Variants in IFRD1 observed in about 807,000 individuals in gnomAD.
IFRD1 encodes interferon-related developmental regulator 1.
Under a neutral mutation model 52.9 loss-of-function variants are expected in IFRD1, and 35 were observed. The observed-to-expected ratio is 0.66, with a 90% CI of 0.51 to 0.88. The LOEUF is 0.88. Ranked by LOEUF, IFRD1 falls within the 40% of genes least tolerant of loss-of-function variation. IFRD1 has a pLI of 0.00. For synonymous variants in IFRD1, 184 were observed against 188.4 expected (o/e 0.98, Z 0.19); for missense variants, 517 against 550.8 (o/e 0.94, Z 0.61).
intron 11 of IFRD1, 41 bp from the exon 12 acceptor site, chr7:112,475,387 CTT>C: frequency 9.1e-7 from 1 of 1,095,314 alleles, no homozygotes; most frequent in Non-Finnish European, 1.4e-6. Context: ...GTAAGAATAT[CTT>C]AAGTCTTACT....
In IFRD1 at chr7:112,450,750, CAG is replaced by C; in HGVS notation, c.63_64del (p.Gly22SerfsTer20). The C allele has an allele frequency of 6.2e-7, 1 of 1,612,288 alleles. No individual in the cohort carries two copies. On this transcript the variant is annotated frameshift_variant, in exon 1 of 12. Coordinates refer to ENST00000403825, the MANE Select transcript of IFRD1 (RefSeq NM_001550.4). LOFTEE classifies it high-confidence loss of function. ...GGTAGCAGTGCTGGCGGCGGCGGGT[CAG>C]GAGCAGCCGCAGCGACGGCGGCGAC...
intron 1 of IFRD1, among the ~76,000 whole-genome samples, chr7:112,435,119 G>A (rs372343448): frequency 6.6e-6 from 1 of 152,270 alleles, no homozygotes; most frequent in African/African-American, 2.4e-5. Flanking sequence ...TGGATTAATG[G>A]TGAACAGAGT....
At chr7:112,443,031 T>C (rs1794931330) in intron 1 of IFRD1, among the ~76,000 whole-genome samples, 1 of 152,176 alleles carries the variant, frequency 6.6e-6, no homozygotes, top group Non-Finnish European at 1.5e-5. Flanking sequence ...CCACATGAAA[T>C]AGGTTCTATC....
At chr7:112,448,854 T>C (rs984780822), upstream of IFRD1, among the ~76,000 whole-genome samples, 1 of 151,958 alleles carries the variant, frequency 6.6e-6, no homozygotes, top group Non-Finnish European at 1.5e-5. Context: ...AAGGTGAAGA[T>C]GGGAGGAAAG....
At chr7:112,434,850 T>C (rs907496242) in intron 1 of IFRD1, among the ~76,000 whole-genome samples, 2 of 152,190 alleles carry the variant, frequency 1.3e-5, no homozygotes, top group Admixed American at 1.3e-4. Flanking sequence ...CATACAAATA[T>C]TAATATAAAC....
chr7:112,462,440 C>T, intron 8 of IFRD1, 62 bp downstream of exon 8: 1 of 1,128,230 alleles, frequency 8.9e-7, no homozygotes, highest in African/African-American at 1.5e-5. Context: ...CCATCATTAC[C>T]TTGCAATTGA....
At chr7:112,441,063 A>C (rs1794872505) in intron 1 of IFRD1, among the ~76,000 whole-genome samples, 1 of 152,084 alleles carries the variant, frequency 6.6e-6, no homozygotes, top group Admixed American at 6.6e-5. Flanking sequence ...TCATGAGGTC[A>C]AGAGATTTGA....
chr7:112,469,893 A>C (rs1486654188), intron 9 of IFRD1, among the ~76,000 whole-genome samples: 1 of 151,174 alleles, frequency 6.6e-6, no homozygotes, highest in Non-Finnish European at 1.5e-5. Flanking sequence ...CCTCTGCTTC[A>C]ATGCACCTGC....
chr7:112,448,654 A>G (rs1310729093), upstream of IFRD1, among the ~76,000 whole-genome samples: 2 of 152,232 alleles, frequency 1.3e-5, no homozygotes, highest in Non-Finnish European at 2.9e-5. Context: ...GATTAAACAA[A>G]GTAAAAGCAA....
chr7:112,459,092 A>T (rs1389107438), intron 5 of IFRD1, 74 bp downstream of exon 5: 11 of 1,255,196 alleles, frequency 8.8e-6, no homozygotes, highest in Non-Finnish European at 1.3e-5. Context: ...ATAGTACTGT[A>T]CCAGCTACTC....
upstream of IFRD1, among the ~76,000 whole-genome samples, chr7:112,449,787 C>G (rs372525795): frequency 7.4e-6 from 1 of 135,052 alleles, no homozygotes; most frequent in African/African-American, 2.9e-5. Context: ...GAGATATACA[C>G]GAACTCCACA....
intron 8 of IFRD1, chr7:112,467,399 A>T (rs1320364435): frequency 6.5e-6 from 1 of 153,416 alleles, no homozygotes; most frequent in Non-Finnish European, 1.5e-5. Context: ...AACTGTGACA[A>T]GGAAGCCCAT....
At chr7:112,452,888 GTGT>G (rs1243612529) in intron 1 of IFRD1, among the ~76,000 whole-genome samples, 1 of 152,240 alleles carries the variant, frequency 6.6e-6, no homozygotes. Context: ...ATCTTTGGAA[GTGT>G]GTGCTAGAAC....
rs777795975 is a variant in IFRD1, at chr7:112,458,863, A to G, written c.412A>G (p.Lys138Glu). The change falls in exon 5 of 12, where the codon AAG becomes GAG. Residue 138 changes from lysine (K) to glutamate (E), a missense_variant and splice_region_variant. By Grantham distance (56) the Lys-to-Glu change is moderately conservative. Transcript: ENST00000403825. ...DSIERCLKKG[K>E]SDEQRAAAAL... ...TTGCATCTTGGCTGCTTTTATAGGT[A>G]AGAGTGATGAGCAACGTGCAGCTGC... The G allele has an allele frequency of 6.2e-7, 1 of 1,613,854 alleles. No homozygotes were observed. The highest frequency in any genetic ancestry group is 8.5e-7 in the Non-Finnish European group (1 of 1,179,788).
chr7:112,450,930 C>G lies in IFRD1; in HGVS notation c.94+148C>G, dbSNP rs1468512679. 8.7e-6 allele frequency: 6 copies of G among 688,650 alleles called. No individual in the cohort carries two copies. In the East Asian group the frequency reaches 1.3e-4, roughly 14 times the overall value. The allele number at this position is 688,650 out of a possible 1,614,324, so 42.7% of individuals were successfully genotyped here. A position where few individuals can be genotyped will look rare whatever the true frequency, so the allele number is the denominator to read the frequency against. On this transcript the variant is annotated intron_variant, in intron 1 of 11. Transcript: ENST00000403825. ...TGGTTTGGCTACTGAACTACAATTC[C>G]CAGCGTGCCCTGGGCGCTGCTCCTC...
At position 112,472,822 on chromosome 7, in the gene IFRD1, T is replaced by C; in HGVS notation, c.1227T>C (p.Ala409=). ...FELGPPVMLD[A]ATLKTMKISR... Reference sequence around the variant, plus strand: ...TTGGACCCCCAGTGATGCTTGATGCTGCAACGCTTAAAACGATGAAGATTT... The same window carrying C: ...TTGGACCCCCAGTGATGCTTGATGCCGCAACGCTTAAAACGATGAAGATTT... The change falls in exon 11 of 12, where the codon GCT becomes GCC. Residue 409 remains alanine, a synonymous_variant. Coordinates refer to ENST00000403825, the MANE Select transcript of IFRD1 (RefSeq NM_001550.4). The C allele has an allele frequency of 6.2e-7, 1 of 1,613,746 alleles. No individual in the cohort carries two copies. Among genetic ancestry groups the C allele is most frequent in the Non-Finnish European group, 8.5e-7 (1 of 1,179,596 alleles).
intron 11 of IFRD1, among the ~76,000 whole-genome samples, 169 bp downstream of exon 11, chr7:112,473,030 G>C (rs985418499): frequency 4.9e-5 from 2 of 40,896 alleles, no homozygotes; most frequent in Non-Finnish European, 1.3e-4. Flanking sequence ...TGTGGGGGGC[G>C]TGTGTGTGTG....
At chr7:112,450,880 T>C (rs757795449) in intron 1 of IFRD1, 98 bp downstream of exon 1, 80 of 845,874 alleles carry the variant, frequency 9.5e-5, no homozygotes, top group Non-Finnish European at 1.2e-4. Flanking sequence ...TTCTCTGATG[T>C]ACACATTTGC....
chr7:112,472,008 G>T (rs1040926140), intron 9 of IFRD1, among the ~76,000 whole-genome samples: 1 of 152,138 alleles, frequency 6.6e-6, no homozygotes, highest in African/African-American at 2.4e-5. Context: ...AAACTCAGTT[G>T]TGCCTTCAAG....
Sources: gnomAD v4.1 joint callset for allele counts (sites outside exome capture counted in the v4.1 genomes callset) on GRCh38, gnomAD v4.1.1 for gene constraint, MANE v1.5 for transcripts, NCBI Gene and HGNC (gene_info 2026-07-23, HGNC 2026-07-21) for gene names.